MCC: variants seen among roughly 807,000 people sequenced by gnomAD.
MCC encodes MCC regulator of Wnt signaling pathway, also known as colorectal mutant cancer protein.
Under a neutral mutation model 116.2 loss-of-function variants are expected in MCC, and 90 were observed. That is an observed-to-expected ratio of 0.77 (90% CI 0.65 to 0.92). MCC has a LOEUF of 0.92. MCC is among the 40% of genes least tolerant of loss of function. The pLI, the probability that MCC is intolerant of heterozygous loss-of-function variation, is 0.00. For missense variants in MCC, 1,516 were observed against 1,312.2 expected (o/e 1.16, Z -2.40); for synonymous variants, 578 against 510.5 (o/e 1.13, Z -1.78).
rs199723327 is a variant in MCC, at chr5:113,385,065, C to T, written c.318G>A (p.Lys106=). The change falls in exon 2 of 19, where the codon AAG becomes AAA. Residue 106 remains lysine (K), a synonymous_variant. Coordinates refer to ENST00000408903, the MANE Select transcript of MCC (RefSeq NM_001085377.2). ...ACTTTGCAGAAAGATCTACTTCCTC[C>T]TTCCTAATTTCTCGAACAAGCTGCA... ...CRMQLVREIR[K]EEVDLSAKSD... 166 of 1,614,086 alleles carry T rather than the reference C, an allele frequency of 1.0e-4. No homozygotes were observed. The highest frequency in any genetic ancestry group is 1.3e-4 in the Non-Finnish European group (159 of 1,180,050).
chr5:113,344,230 C>T (rs1561532021), intron 2 of MCC, among the ~76,000 whole-genome samples: 1 of 152,176 alleles, frequency 6.6e-6, no homozygotes, highest in Non-Finnish European at 1.5e-5. Flanking sequence ...ATGGAGGGAG[C>T]ATTTGGATCA....
At chr5:113,343,534 G>A (rs982911878) in intron 2 of MCC, among the ~76,000 whole-genome samples, 9 of 152,194 alleles carry the variant, frequency 5.9e-5, no homozygotes, top group African/African-American at 1.9e-4. Flanking sequence ...AGAGGTCAGC[G>A]TTGAAAAGTG....
chr5:113,101,799 C>T lies in MCC; in HGVS notation c.1338G>A (p.Leu446=). 6.2e-7 allele frequency: 1 copy of T among 1,613,562 alleles called. No homozygotes were observed. Among genetic ancestry groups the T allele is most frequent in the Non-Finnish European group, 8.5e-7 (1 of 1,180,020 alleles). The change falls in exon 8 of 19, where the codon CTG becomes CTA. Residue 446 remains leucine (L), a synonymous_variant. Transcript: ENST00000408903. The stretch of plus-strand genomic sequence containing the variant: ...CATTCATGGTGGCCTTAGTCCGGTT[C>T]AGTTCTTCCTCTTTGCTGCACAGCA... The part of the protein sequence containing the change: ...TAMLCSKEEE[L]NRTKATMNAI...
Position 113,027,133 on chromosome 5 carries a change from A to G in MCC, c.*169T>C, listed in dbSNP as rs543906522. 142 of 645,626 alleles carry G rather than the reference A, an allele frequency of 2.2e-4. 2 individuals carry two copies. In the South Asian group the frequency reaches 2.6e-3, roughly 12 times the overall value. The allele number at this position is 645,626 out of a possible 1,614,324, so 40.0% of individuals were successfully genotyped here. On this transcript the variant is annotated 3_prime_UTR_variant, in exon 19 of 19. Transcript: ENST00000408903. ...TCTGGATACAGTCCACAATGTCACCATGGCCAGTCGCCCCAAGGGTTGAGT... is the reference window on the plus strand; with the variant it reads ...TCTGGATACAGTCCACAATGTCACCGTGGCCAGTCGCCCCAAGGGTTGAGT...
intron 3 of MCC, among the ~76,000 whole-genome samples, chr5:113,213,566 A>C (rs1763206422): frequency 6.6e-6 from 1 of 152,154 alleles, no homozygotes; most frequent in South Asian, 2.1e-4. Flanking sequence ...TTGGACCCTT[A>C]ATGATGAAAG....
At chr5:113,170,077 T>C (rs1180488830) in intron 3 of MCC, among the ~76,000 whole-genome samples, 2 of 152,186 alleles carry the variant, frequency 1.3e-5, no homozygotes, top group Non-Finnish European at 2.9e-5. Context: ...CAATACAAAA[T>C]TCTTAGGGAT....
In MCC at chr5:113,254,884, T is replaced by A. The variant is rs147837795; in HGVS notation, c.627+85635A>T. 3.9e-3 allele frequency among the ~76,000 whole-genome samples: 600 copies of A among 152,228 alleles called. 5 individuals are homozygous for A. The highest frequency in any genetic ancestry group is 0.013 in the African/African-American group (554 of 41,538). ...CCCTTGCCTGCCTCTAAGATGTACC[T>A]TAAAAACATAAGAGTGGGCTGGGCA... On this transcript the variant is annotated intron_variant, in intron 3 of 18. Coordinates refer to ENST00000408903, the MANE Select transcript of MCC (RefSeq NM_001085377.2).
At chr5:113,339,059 TA>T (rs34201685) in intron 3 of MCC, among the ~76,000 whole-genome samples, 80,406 of 147,594 alleles carry the variant, frequency 0.54, 23,216 homozygotes, top group African/African-American at 0.75. Context: ...CTGTCTCTAC[TA>T]AAAAAAAAAA....
chr5:113,066,230 C>T (rs994458421), intron 13 of MCC, among the ~76,000 whole-genome samples: 32 of 152,130 alleles, frequency 2.1e-4, no homozygotes, highest in African/African-American at 7.7e-4. Context: ...ATGAAAGGTA[C>T]CTTGTGAGGC....
In MCC at chr5:113,046,710, A is replaced by AAAAAAAAAAAAAAAAAAAAAAAAAG; in HGVS notation, c.2655+2382_2655+2383insCTTTTTTTTTTTTTTTTTTTTTTTT. Among the ~76,000 whole-genome samples the AAAAAAAAAAAAAAAAAAAAAAAAAG allele has an allele frequency of 2.2e-3, 226 of 102,432 alleles. 41 individuals carry two copies. The highest frequency in any genetic ancestry group is 3.3e-3 in the Non-Finnish European group (168 of 51,324). The allele number at this position is 102,432 out of a possible 152,430, so 67.2% of individuals were successfully genotyped here. ...CAAAAAAAAAAAAAAAAAAAAAAAA[A>AAAAAAAAAAAAAAAAAAAAAAAAAG]AGAGAGAGATTTTGAAGGTGTTTGT... is the stretch of plus-strand genomic sequence containing the variant. On this transcript the variant is annotated intron_variant, in intron 16 of 18. Coordinates refer to ENST00000408903, the MANE Select transcript of MCC (RefSeq NM_001085377.2).
intron 6 of MCC, among the ~76,000 whole-genome samples, chr5:113,107,121 T>A (rs963584275): frequency 2.6e-5 from 4 of 152,186 alleles, no homozygotes; most frequent in African/African-American, 9.7e-5. Context: ...CAAATATTAT[T>A]TTTTAAATAG....
intron 3 of MCC, among the ~76,000 whole-genome samples, chr5:113,221,479 G>A (rs541033255): frequency 1.6e-4 from 25 of 152,246 alleles, no homozygotes; most frequent in Non-Finnish European, 3.2e-4. Flanking sequence ...GGACTGGACT[G>A]CCTTTGCAGG....
chr5:113,459,133 ATG>A (rs542497591), intron 1 of MCC, among the ~76,000 whole-genome samples: 7,004 of 68,094 alleles, frequency 0.1, 303 homozygotes, highest in African/African-American at 0.11. Context: ...GAGTAAGGAT[ATG>A]TGTGTGTGTG....
chr5:113,437,869 G>A (rs1334061070), intron 1 of MCC, among the ~76,000 whole-genome samples: 8 of 152,090 alleles, frequency 5.3e-5, no homozygotes, highest in Non-Finnish European at 8.8e-5. Context: ...TGCTGTACAG[G>A]GAATTTTGGC....
intron 3 of MCC, among the ~76,000 whole-genome samples, chr5:113,226,707 C>T (rs1763755859): frequency 6.6e-6 from 1 of 152,116 alleles, no homozygotes; most frequent in Non-Finnish European, 1.5e-5. Flanking sequence ...AACAACATCC[C>T]TTAAAAATGT....
chr5:113,031,115 G>C (rs1750923761), intron 17 of MCC, among the ~76,000 whole-genome samples: 1 of 152,126 alleles, frequency 6.6e-6, no homozygotes, highest in Non-Finnish European at 1.5e-5. Context: ...TCTCCAAACT[G>C]ATCAATGAAG....
intron 3 of MCC, among the ~76,000 whole-genome samples, chr5:113,211,605 T>C (rs995326202): frequency 6.6e-6 from 1 of 152,228 alleles, no homozygotes; most frequent in African/African-American, 2.4e-5. Flanking sequence ...TGTCAGCATA[T>C]CTAAAGATCA....
chr5:113,299,292 C>CAAAAAAAA lies in MCC; in HGVS notation c.627+41219_627+41226dup, dbSNP rs58372049. 6.3e-4 allele frequency among the ~76,000 whole-genome samples: 33 copies of CAAAAAAAA among 52,074 alleles called. 3 individuals are homozygous for CAAAAAAAA. The highest frequency in any genetic ancestry group is 2.3e-3 in the South Asian group (2 of 886). 34.2% of individuals were successfully genotyped at this position (52,074 alleles called of 152,430 possible). On this transcript the variant is annotated intron_variant, in intron 3 of 18. Coordinates refer to ENST00000408903, the MANE Select transcript of MCC (RefSeq NM_001085377.2). ...TGGGCAACAGAGTGAGACTCCGTCT[C>CAAAAAAAA]AAAAAAAAAAAAAAAAAAAAAAAAA...
intron 1 of MCC, among the ~76,000 whole-genome samples, chr5:113,407,225 G>A (rs961737006): frequency 2.0e-5 from 3 of 152,150 alleles, no homozygotes; most frequent in African/African-American, 7.2e-5. Flanking sequence ...CAGCTATAAA[G>A]CAGTTGAGCT....
Sources: gnomAD v4.1 joint callset for allele counts (sites outside exome capture counted in the v4.1 genomes callset) on GRCh38, gnomAD v4.1.1 for gene constraint, MANE v1.5 for transcripts, NCBI Gene and HGNC (gene_info 2026-07-23, HGNC 2026-07-21) for gene names.